PSEN1: variants seen among roughly 807,000 people sequenced by gnomAD.
PSEN1 encodes the protein presenilin-1.
In PSEN1, 15 loss-of-function variants were observed where a neutral mutation model predicts 53.5. The ratio of observed to expected loss-of-function variants is 0.28; its 90% CI spans 0.19 to 0.43. The LOEUF (loss-of-function observed/expected upper bound fraction) is 0.43, where lower values mean the gene tolerates loss of function less well. Among genes scored for constraint, PSEN1 ranks in the 20% least tolerant of loss-of-function variants. PSEN1 has a pLI of 1.00. For synonymous variants in PSEN1, 208 were observed against 209.8 expected (o/e 0.99, Z 0.08); for missense variants, 387 against 571.2 (o/e 0.68, Z 3.29).
intron 1 of PSEN1, 104 bp downstream of exon 1, chr14:73,136,687 C>T (rs1407443625): frequency 6.6e-6 from 1 of 152,292 alleles, no homozygotes; most frequent in Non-Finnish European, 1.5e-5. Context: ...AAGCCGGTGT[C>T]CTAAAAGATG....
At chr14:73,169,724 C>T (rs1035518521) in intron 3 of PSEN1, among the ~76,000 whole-genome samples, 1 of 151,780 alleles carries the variant, frequency 6.6e-6, no homozygotes, top group African/African-American at 2.4e-5. Flanking sequence ...CTGCTCACTG[C>T]AGCCTCCACC....
At chr14:73,152,478 G>A (rs184128468) in intron 3 of PSEN1, among the ~76,000 whole-genome samples, 1 of 150,556 alleles carries the variant, frequency 6.6e-6, no homozygotes, top group East Asian at 2.0e-4. Flanking sequence ...GTGGTGGCAT[G>A]TACCTGTAGT....
At chr14:73,140,512 G>GT (rs1440211017) in intron 1 of PSEN1, among the ~76,000 whole-genome samples, 1 of 151,796 alleles carries the variant, frequency 6.6e-6, no homozygotes, top group Non-Finnish European at 1.5e-5. Context: ...CCTGGCCAAG[G>GT]TTTTTTATAA....
chr14:73,164,333 T>A (rs576310779), intron 3 of PSEN1, among the ~76,000 whole-genome samples: 2 of 152,336 alleles, frequency 1.3e-5, no homozygotes, highest in African/African-American at 4.8e-5. Context: ...GACGATTTTC[T>A]ATTGATAGAC....
chr14:73,155,433 T>G (rs1046405113), intron 3 of PSEN1, among the ~76,000 whole-genome samples: 7 of 152,356 alleles, frequency 4.6e-5, no homozygotes, highest in Admixed American at 1.3e-4. Context: ...TATTAACATT[T>G]CTTATCAAAA....
At chr14:73,186,999 TTTG>T in intron 6 of PSEN1, 79 bp downstream of exon 6, 1 of 1,145,726 alleles carries the variant, frequency 8.7e-7, no homozygotes, top group Non-Finnish European at 1.3e-6. Flanking sequence ...AGCCATGTAC[TTTG>T]TTGATGAATT....
intron 3 of PSEN1, among the ~76,000 whole-genome samples, chr14:73,166,789 A>C (rs362353): frequency 1.3e-5 from 2 of 152,114 alleles, no homozygotes; most frequent in Non-Finnish European, 2.9e-5. Context: ...GGTGGTATAT[A>C]TATTTCTACC....
At chr14:73,184,650 C>T (rs1338584802) in intron 5 of PSEN1, among the ~76,000 whole-genome samples, 1 of 143,806 alleles carries the variant, frequency 7.0e-6, no homozygotes, top group South Asian at 2.2e-4. Context: ...GGGGGCTGAC[C>T]CCCCCACCTC....
chr14:73,202,463 T>TATATATATATA (rs1491391826), intron 8 of PSEN1, among the ~76,000 whole-genome samples: 17 of 10,242 alleles, frequency 1.7e-3, no homozygotes, highest in Non-Finnish European at 2.1e-3. Flanking sequence ...TATATATATA[T>TATATATATATA]TTTTTTTTTT....
chr14:73,177,391 G>GTGTTTT (rs10701455), intron 5 of PSEN1, among the ~76,000 whole-genome samples: 7,810 of 151,804 alleles, frequency 0.051, 527 homozygotes, highest in African/African-American at 0.16. Flanking sequence ...TTTTGTGTGT[G>GTGTTTT]TGTTTTTGTT....
At position 73,192,634 on chromosome 14, in the gene PSEN1, T is replaced by G; in HGVS notation, c.549-10T>G. On this transcript the variant is annotated splice_polypyrimidine_tract_variant and intron_variant, in intron 6 of 11. Transcript: ENST00000324501. ...GTACATCTTTTAAAATCTGTGTAATTTTTTTTCAGGGAAGTGTTTAAAACC... is the reference window on the plus strand; with the variant it reads ...GTACATCTTTTAAAATCTGTGTAATGTTTTTTCAGGGAAGTGTTTAAAACC... 2 of 1,590,626 alleles carry G rather than the reference T, an allele frequency of 1.3e-6. No homozygotes were observed. The highest frequency in any genetic ancestry group is 1.7e-6 in the Non-Finnish European group (2 of 1,158,588).
intron 6 of PSEN1, among the ~76,000 whole-genome samples, chr14:73,192,358 C>T (rs1343245530): frequency 6.6e-6 from 1 of 152,066 alleles, no homozygotes; most frequent in African/African-American, 2.4e-5. Context: ...GGAAGACCAC[C>T]TGATCTCCGG....
chr14:73,156,587 G>C (rs1333782769), intron 3 of PSEN1, among the ~76,000 whole-genome samples: 1 of 151,946 alleles, frequency 6.6e-6, no homozygotes, highest in East Asian at 1.9e-4. Context: ...AATTATTGAA[G>C]TTGAATAAAT....
intron 3 of PSEN1, among the ~76,000 whole-genome samples, chr14:73,149,690 G>T (rs1308256315): frequency 6.6e-6 from 1 of 152,218 alleles, no homozygotes. Context: ...AATTGGGACA[G>T]TCCTGAGCAG....
At chr14:73,194,528 TG>T (rs55853751) in intron 7 of PSEN1, among the ~76,000 whole-genome samples, 10,810 of 151,714 alleles carry the variant, frequency 0.071, 531 homozygotes, top group South Asian at 0.19. Context: ...GCCAAAGTGT[TG>T]GGATTACAGG....
In PSEN1 at chr14:73,219,445, C is replaced by T. The variant is rs1900061416; in HGVS notation, c.*156C>T. ...TCCAAGTCTTCCTGACCACCTTGCACTATTGGACTTTGGAAGGAGGTGCCT... is the reference window on the plus strand; with the variant it reads ...TCCAAGTCTTCCTGACCACCTTGCATTATTGGACTTTGGAAGGAGGTGCCT... On this transcript the variant is annotated 3_prime_UTR_variant, in exon 12 of 12. Coordinates refer to ENST00000324501, the MANE Select transcript of PSEN1 (RefSeq NM_000021.4). 1.2e-6 allele frequency: 1 copy of T among 832,756 alleles called. No individual in the cohort carries two copies. The highest frequency in any genetic ancestry group is 1.7e-5 in the African/African-American group (1 of 59,460). The allele number at this position is 832,756 out of a possible 1,614,324, so 51.6% of individuals were successfully genotyped here.
At chr14:73,158,287 TCTA>T (rs1897424076) in intron 3 of PSEN1, among the ~76,000 whole-genome samples, 2 of 95,734 alleles carry the variant, frequency 2.1e-5, no homozygotes, top group African/African-American at 8.7e-5. Context: ...TTTTTTTCTA[TCTA>T]TCTATCTATC....
chr14:73,149,394 TACAA>T (rs1385583259), intron 3 of PSEN1, among the ~76,000 whole-genome samples: 5 of 152,062 alleles, frequency 3.3e-5, no homozygotes, highest in Non-Finnish European at 7.4e-5. Context: ...TACATTTCAC[TACAA>T]ACAGTCACAA....
At chr14:73,200,007 A>T (rs1303105780) in intron 8 of PSEN1, among the ~76,000 whole-genome samples, 1 of 152,172 alleles carries the variant, frequency 6.6e-6, no homozygotes, top group Non-Finnish European at 1.5e-5. Flanking sequence ...TAGGCCTCCC[A>T]AAATGCCAGG....
Sources: allele counts gnomAD v4.1 joint callset (sites outside exome capture counted in the v4.1 genomes callset), GRCh38; gene constraint gnomAD v4.1.1; transcripts MANE v1.5; gene names NCBI Gene and HGNC (gene_info 2026-07-23, HGNC 2026-07-21).